The following EIF2AK2 variants were observed in gnomAD, a reference collection of about 807,000 sequenced individuals.
EIF2AK2 encodes eukaryotic translation initiation factor 2 alpha kinase 2.
In EIF2AK2, 40 loss-of-function variants were observed where a neutral mutation model predicts 70.5. The observed-to-expected ratio is 0.57, with a 90% CI of 0.44 to 0.74. EIF2AK2 has a LOEUF of 0.74. Ranked by LOEUF, EIF2AK2 falls within the 30% of genes least tolerant of loss-of-function variation. EIF2AK2 has a pLI of 0.00. For missense variants in EIF2AK2, 555 were observed against 644.3 expected, an observed-to-expected ratio of 0.86 and a Z score of 1.50; for synonymous variants, 198 against 220.9, an observed-to-expected ratio of 0.90 and a Z score of 0.92.
At chr2:37,150,721 C>T (rs767518273) in intron 1 of EIF2AK2, among the ~76,000 whole-genome samples, 3 of 152,056 alleles carry the variant, frequency 2.0e-5, no homozygotes, top group African/African-American at 4.8e-5. Context: ...CTTCTCCCCA[C>T]GTATTCTTCA....
chr2:37,127,961 C>T (rs915402749), intron 10 of EIF2AK2, among the ~76,000 whole-genome samples: 25 of 152,170 alleles, frequency 1.6e-4, no homozygotes, highest in African/African-American at 6.0e-4. Context: ...AGGCTGGTCT[C>T]GAACTCCTGA....
At chr2:37,111,872 A>T (rs1403089464) in intron 14 of EIF2AK2, among the ~76,000 whole-genome samples, 1 of 45,070 alleles carries the variant, frequency 2.2e-5, no homozygotes, top group Non-Finnish European at 4.9e-5. Flanking sequence ...AAAAAAAAAA[A>T]AAAAAAATAT....
chr2:37,129,426 G>T (rs1317630792), intron 10 of EIF2AK2, among the ~76,000 whole-genome samples: 4 of 152,064 alleles, frequency 2.6e-5, no homozygotes, highest in East Asian at 1.9e-4. Context: ...CCCCATTCGG[G>T]TACCACTCAT....
At chr2:37,145,206 G>C (rs1246791397) in intron 4 of EIF2AK2, among the ~76,000 whole-genome samples, 1 of 144,616 alleles carries the variant, frequency 6.9e-6, no homozygotes, top group Admixed American at 7.1e-5. Context: ...GTAGTGGCAC[G>C]ATCTCGGCTC....
chr2:37,138,155 G>C (rs1573027147), intron 8 of EIF2AK2, 115 bp downstream of exon 8: 3 of 637,546 alleles, frequency 4.7e-6, no homozygotes, highest in Middle Eastern at 3.3e-4. Context: ...CATTTAGTAA[G>C]AGTGCATAAG....
Position 37,126,324 on chromosome 2 carries a change from C to G in EIF2AK2, c.873G>C (p.Lys291Asn), listed in dbSNP as rs1340314941. Residue 291 changes from lysine to asparagine, a missense_variant, in exon 11 of 17, where the codon AAG becomes AAC. Physicochemically the swap from Lys to Asn is moderately conservative, Grantham distance 94. Around this residue, in one of 3 missense-constraint regions of EIF2AK2, gnomAD observed 299 missense variants for 375.4 expected, o/e 0.80. Coordinates refer to ENST00000233057, the MANE Select transcript of EIF2AK2 (RefSeq NM_001135651.3). Reference protein sequence around the residue: ...VFKAKHRIDGKTYVIKRVKYN... With the variant: ...VFKAKHRIDGNTYVIKRVKYN... ...ATTTAACACGTTTAATAACGTAAGT[C>G]TTTCCGTCAATTCTGTGTTTTGCTT... 3.1e-6 allele frequency: 5 copies of G among 1,610,630 alleles called. No homozygotes were observed. The highest frequency in any genetic ancestry group is 1.3e-5 in the African/African-American group (1 of 74,712).
intron 4 of EIF2AK2, among the ~76,000 whole-genome samples, chr2:37,143,393 G>A (rs894905925): frequency 6.6e-5 from 10 of 151,580 alleles, no homozygotes; most frequent in Admixed American, 2.6e-4. Flanking sequence ...CTTATTTTCC[G>A]GGATACCAGT....
intron 5 of EIF2AK2, 107 bp from the exon 6 acceptor site, chr2:37,139,864 A>C: frequency 8.9e-7 from 1 of 1,122,626 alleles, no homozygotes; most frequent in Non-Finnish European, 1.2e-6. Context: ...GATAACACCA[A>C]TTTATTAGAT....
At chr2:37,132,877 T>A (rs760235527) in intron 10 of EIF2AK2, among the ~76,000 whole-genome samples, 1 of 152,218 alleles carries the variant, frequency 6.6e-6, no homozygotes, top group Non-Finnish European at 1.5e-5. Flanking sequence ...GTTCGATTTC[T>A]TTTGGTTCTG....
chr2:37,127,585 C>G (rs924815121), intron 10 of EIF2AK2, among the ~76,000 whole-genome samples: 9 of 152,076 alleles, frequency 5.9e-5, no homozygotes, highest in African/African-American at 2.2e-4. Context: ...TTCTCATACG[C>G]CCTTCCTTCC....
At chr2:37,130,798 G>C in intron 10 of EIF2AK2, among the ~76,000 whole-genome samples, 1 of 152,148 alleles carries the variant, frequency 6.6e-6, no homozygotes, top group East Asian at 1.9e-4. Flanking sequence ...ACAACCCAGT[G>C]TTTTGCTTCA....
chr2:37,121,771 G>C (rs190460210), intron 12 of EIF2AK2, among the ~76,000 whole-genome samples: 42 of 152,072 alleles, frequency 2.8e-4, no homozygotes, highest in Non-Finnish European at 5.9e-5. Context: ...GTATGCTGAC[G>C]GTCAATAACT....
rs766557068 is a variant in EIF2AK2, at chr2:37,146,844, A to G, written c.240+9T>C. ...TTCCCATTTATTAGGAAAAAAGGCA[A>G]TCACTCACCTTCTTTTCCTTATTAA... On this transcript the variant is annotated intron_variant, in intron 4 of 16. Coordinates refer to ENST00000233057, the MANE Select transcript of EIF2AK2 (RefSeq NM_001135651.3). 6.2e-7 allele frequency: 1 copy of G among 1,605,178 alleles called. No individual in the cohort carries two copies. The highest frequency in any genetic ancestry group is 8.5e-7 in the Non-Finnish European group (1 of 1,177,872).
rs777418601 is a variant in EIF2AK2, at chr2:37,148,909, G to A, written c.-69C>T. The A allele has an allele frequency of 2.5e-5, 21 of 826,512 alleles. No individual in the cohort carries two copies. Among genetic ancestry groups the A allele is most frequent in the Non-Finnish European group, 4.3e-5 (20 of 461,682 alleles). The allele number at this position is 826,512 out of a possible 1,614,324, so 51.2% of individuals were successfully genotyped here. On this transcript the variant is annotated 5_prime_UTR_variant, in exon 2 of 17. Coordinates refer to ENST00000233057, the MANE Select transcript of EIF2AK2 (RefSeq NM_001135651.3). ...CGCAGATAATCACGGAAGTGTGGATGTTGATTCTGAAGACCGCCAGAGAAG... is the reference window on the plus strand; with the variant it reads ...CGCAGATAATCACGGAAGTGTGGATATTGATTCTGAAGACCGCCAGAGAAG...
chr2:37,123,819 G>A (rs993892485), intron 11 of EIF2AK2, among the ~76,000 whole-genome samples: 1 of 152,118 alleles, frequency 6.6e-6, no homozygotes, highest in African/African-American at 2.4e-5. Flanking sequence ...GCTAAGTGCA[G>A]TAAATAAATT....
At chr2:37,138,125 AAAG>A in intron 8 of EIF2AK2, 142 bp downstream of exon 8, 1 of 557,598 alleles carries the variant, frequency 1.8e-6, no homozygotes, top group Non-Finnish European at 2.9e-6. Context: ...AAAAAAAAAA[AAAG>A]TCTACTGAGG....
chr2:37,107,964 G>A (rs189672805), intron 15 of EIF2AK2, among the ~76,000 whole-genome samples: 12 of 152,000 alleles, frequency 7.9e-5, no homozygotes, highest in Admixed American at 7.2e-4. Context: ...TGACCAACAT[G>A]GTGAAACCCC....
intron 1 of EIF2AK2, chr2:37,149,403 T>G: frequency 2.0e-6 from 1 of 509,110 alleles, no homozygotes; most frequent in Non-Finnish European, 3.5e-6. Flanking sequence ...GACAAAGATT[T>G]TAAAAGCACC....
rs1675018403 is a variant in EIF2AK2 at position 37,133,464 on chromosome 2, G to T, written c.785+2020C>A. 2.0e-5 allele frequency among the ~76,000 whole-genome samples: 3 copies of T among 151,986 alleles called. No homozygotes were observed. The South Asian group carries it at 6.2e-4, about 31-fold the overall frequency. ...AACTGGGTTCTGGTAAAAGGTCCCA[G>T]CCCTACCCCCAATTCCCCCCTCACA... On this transcript the variant is annotated intron_variant, in intron 10 of 16. Coordinates refer to ENST00000233057, the MANE Select transcript of EIF2AK2 (RefSeq NM_001135651.3).
Sources: allele counts gnomAD v4.1 joint callset (sites outside exome capture counted in the v4.1 genomes callset), GRCh38; gene constraint gnomAD v4.1.1; regional missense constraint gnomAD v4.1.1; transcripts MANE v1.5; gene names NCBI Gene and HGNC (gene_info 2026-07-23, HGNC 2026-07-21).